MYH13: variants seen among roughly 807,000 people sequenced by gnomAD.
MYH13 encodes myosin heavy chain 13.
A neutral mutation model predicts 232.1 loss-of-function variants in MYH13; 177 were observed. That is an observed-to-expected ratio of 0.76 (90% confidence interval 0.67 to 0.86). MYH13 has a LOEUF of 0.86. MYH13 is among the 40% of genes least tolerant of loss of function. MYH13 has a pLI of 0.00. For synonymous variants in MYH13, 884 were observed against 923.5 expected (o/e 0.96, Z 0.78); for missense variants, 2,246 against 2,405.9 (o/e 0.93, Z 1.39).
intron 27 of MYH13, among the ~76,000 whole-genome samples, chr17:10,318,328 C>A (rs573154292): frequency 6.6e-6 from 1 of 152,210 alleles, no homozygotes. Context: ...AATTTCCAGT[C>A]CAGTGGTGTT....
rs748326808 is a variant in MYH13, at chr17:10,324,006, C to T, written c.2934+16G>A. 6.2e-7 allele frequency: 1 copy of T among 1,613,184 alleles called. No homozygotes were observed. The highest frequency in any genetic ancestry group is 1.1e-5 in the South Asian group (1 of 90,954). ...AGCCTGTTAAGACACTGTGGGAGTC[C>T]CTTGGGTTTGCTCACCTTGTTCTCT... On this transcript the variant is annotated intron_variant, in intron 23 of 40. Coordinates refer to ENST00000252172, the MANE Select transcript of MYH13 (RefSeq NM_003802.3).
intron 5 of MYH13, among the ~76,000 whole-genome samples, chr17:10,361,720 AAGG>A (rs1307443259): frequency 6.6e-6 from 1 of 152,188 alleles, no homozygotes; most frequent in East Asian, 1.9e-4. Context: ...CTGGAAATTA[AAGG>A]AGGTGAAGGG....
rs777878400 is a variant in MYH13, at chr17:10,345,606, G to A, written c.1274C>T (p.Ser425Leu). The change falls in exon 14 of 41, where the codon TCG becomes TTG. Residue 425 changes from serine (S) to leucine (L), a missense_variant. Physicochemically the swap from Ser to Leu is moderately radical, Grantham distance 145. Coordinates refer to ENST00000252172, the MANE Select transcript of MYH13 (RefSeq NM_003802.3). ...KGQNVQQVTN[S>L]VGALAKAVYE... ...GACGGCTTTGGCCAGAGCACCCACCGAATTGGTCACCTTGAAAAAGGATCA... is the reference window on the plus strand; with the variant it reads ...GACGGCTTTGGCCAGAGCACCCACCAAATTGGTCACCTTGAAAAAGGATCA... The A allele has an allele frequency of 2.2e-5, 35 of 1,614,028 alleles. No homozygotes were observed. The highest frequency in any genetic ancestry group is 1.3e-4 in the African/African-American group (10 of 74,898).
At chr17:10,352,729 G>A (rs2071719930) in intron 11 of MYH13, among the ~76,000 whole-genome samples, 1 of 152,190 alleles carries the variant, frequency 6.6e-6, no homozygotes, top group Admixed American at 6.5e-5. Context: ...TTTCTCAGTG[G>A]ATGGGGGCCT....
In MYH13 at chr17:10,300,882, ATT is replaced by A; in HGVS notation, c.*67_*68del. 6.6e-7 allele frequency: 1 copy of A among 1,510,446 alleles called. No individual in the cohort carries two copies. The highest frequency in any genetic ancestry group is 1.1e-5 in the South Asian group (1 of 88,560). The allele number at this position is 1,510,446 out of a possible 1,614,324, so 93.6% of individuals were successfully genotyped here. ...GCCGGGAATCCGAGTATTTAGGAGA[ATT>A]TATTTCTCACACATTTTCCCTCCAC... On this transcript the variant is annotated 3_prime_UTR_variant, in exon 41 of 41. Transcript: ENST00000252172.
chr17:10,342,799 C>A (rs143263457), intron 16 of MYH13, among the ~76,000 whole-genome samples: 1 of 152,202 alleles, frequency 6.6e-6, no homozygotes, highest in East Asian at 1.9e-4. Flanking sequence ...GGATAGAAAT[C>A]TGCTCATGGG....
rs768527318 is a variant in MYH13 at position 10,362,229 on chromosome 17, G to A, written c.394C>T (p.Leu132=). 2 of 1,613,856 alleles carry A rather than the reference G, an allele frequency of 1.2e-6. No individual in the cohort carries two copies. Among genetic ancestry groups the A allele is most frequent in the Non-Finnish European group, 1.7e-6 (2 of 1,179,752 alleles). The change falls in exon 5 of 41, where the codon CTG becomes TTG. Residue 132 remains leucine, a synonymous_variant. Transcript: ENST00000252172. ...FCVTVNPYKW[L]PVYKPEVVAA... is the part of the protein sequence containing the mutation. Reference sequence around the variant, plus strand: ...ACCACCTCGGGCTTGTACACCGGCAGCCACTTGTAGGGGTTGACGGTGACA... The same window carrying A: ...ACCACCTCGGGCTTGTACACCGGCAACCACTTGTAGGGGTTGACGGTGACA...
chr17:10,305,454 C>T (rs938192056), intron 37 of MYH13, among the ~76,000 whole-genome samples: 21 of 152,088 alleles, frequency 1.4e-4, no homozygotes, highest in African/African-American at 5.1e-4. Flanking sequence ...TAGCACCTCC[C>T]TAAAAAAAAT....
chr17:10,346,506 G>A (rs1342064478), intron 13 of MYH13, among the ~76,000 whole-genome samples, 174 bp downstream of exon 13: 2 of 152,242 alleles, frequency 1.3e-5, no homozygotes, highest in East Asian at 3.9e-4. Context: ...GCGTCCAATG[G>A]GCACTTAATG....
chr17:10,362,383 G>A lies in MYH13; in HGVS notation c.325C>T (p.Arg109Cys), dbSNP rs200117357. Reference sequence around the variant, plus strand: ...ACGTAGATCATCCAGGCTGCATAGCGCTCTTTGAGGTTGTACAGAACAGCA... The same window carrying A: ...ACGTAGATCATCCAGGCTGCATAGCACTCTTTGAGGTTGTACAGAACAGCA... ...EPAVLYNLKERYAAWMIYTYS... is the reference protein window; with the variant it reads ...EPAVLYNLKECYAAWMIYTYS... The change falls in exon 4 of 41, where the codon CGC becomes TGC. Residue 109 changes from arginine (R) to cysteine (C), a missense_variant. By Grantham distance (180) the Arg-to-Cys change is radical (BLOSUM62 -3). Coordinates refer to ENST00000252172, the MANE Select transcript of MYH13 (RefSeq NM_003802.3). 1,238 of 1,614,168 alleles carry A rather than the reference G, an allele frequency of 7.7e-4. 20 individuals are homozygous for A. In the South Asian group the frequency reaches 0.012, roughly 16 times the overall value.
At position 10,346,765 on chromosome 17, in the gene MYH13, T is replaced by G. The variant is rs769901698; in HGVS notation, c.1178A>C (p.Asn393Thr). ...ADKAGYLMGLNSAEMLKGLCC... is the reference protein window; with the variant it reads ...ADKAGYLMGLTSAEMLKGLCC... The stretch of plus-strand genomic sequence containing the variant: ...CAGGCCCTTCAGCATTTCTGCAGAA[T>G]TCAGTCCCATCAGGTATCCGGCTTT... The change falls in exon 13 of 41, where the codon AAT becomes ACT. Residue 393 changes from asparagine to threonine, a missense_variant. Transcript: ENST00000252172. The G allele has an allele frequency of 6.2e-7, 1 of 1,613,962 alleles. No homozygotes were observed. The highest frequency in any genetic ancestry group is 8.5e-7 in the Non-Finnish European group (1 of 1,179,860).
chr17:10,319,228 C>T, intron 26 of MYH13, 49 bp from the exon 27 acceptor site: 2 of 1,564,602 alleles, frequency 1.3e-6, no homozygotes, highest in East Asian at 4.5e-5. Context: ...AGGGGGCAGC[C>T]CCCTTTGAGA....
intron 12 of MYH13, among the ~76,000 whole-genome samples, chr17:10,348,364 C>T (rs2071683923): frequency 6.6e-6 from 1 of 152,216 alleles, no homozygotes; most frequent in Non-Finnish European, 1.5e-5. Context: ...AGTCGGACTG[C>T]TCTAGGTTTA....
intron 11 of MYH13, among the ~76,000 whole-genome samples, chr17:10,353,492 G>C (rs546596343): frequency 1.3e-5 from 2 of 152,206 alleles, no homozygotes; most frequent in East Asian, 3.9e-4. Context: ...AGCCAACAAG[G>C]GTGGAGATGA....
intron 16 of MYH13, among the ~76,000 whole-genome samples, 177 bp from the exon 17 acceptor site, chr17:10,340,578 G>T (rs962928542): frequency 6.6e-6 from 1 of 152,098 alleles, no homozygotes; most frequent in Non-Finnish European, 1.5e-5. Context: ...GAGTGCAATG[G>T]CACCATCTCA....
At chr17:10,316,801 T>C (rs542255346) in intron 27 of MYH13, among the ~76,000 whole-genome samples, 1 of 152,054 alleles carries the variant, frequency 6.6e-6, no homozygotes, top group South Asian at 2.1e-4. Context: ...AAAACCCTTG[T>C]GTGTGTTGAC....
chr17:10,323,787 AAAGAAGAAGAAG>A (rs571033999), intron 23 of MYH13, among the ~76,000 whole-genome samples: 4,088 of 66,258 alleles, frequency 0.062, 222 homozygotes, highest in East Asian at 0.17. Flanking sequence ...AAAAAAAAAA[AAAGAAGAAGAAG>A]AAGAAGAAGA....
rs766411881 is a variant in MYH13, at chr17:10,327,878, C to A, written c.2679G>T (p.Leu893Phe). The A allele has an allele frequency of 6.2e-7, 1 of 1,612,816 alleles. No homozygotes were observed. The highest frequency in any genetic ancestry group is 8.5e-7 in the Non-Finnish European group (1 of 1,179,626). Residue 893 changes from leucine to phenylalanine, a missense_variant, in exon 22 of 41, where the codon TTG becomes TTT. Coordinates refer to ENST00000252172, the MANE Select transcript of MYH13 (RefSeq NM_003802.3). ...SLLQEKNDLQ[L>F]QVQSETENLM... is the part of the protein sequence containing the mutation. ...AGAAGGTACTTACAGACTGGACCTG[C>A]AATTGGAGGTCATTCTTCTCCTGCA... is the stretch of plus-strand genomic sequence containing the variant.
At chr17:10,360,949 G>GGA (rs2142273780) in intron 5 of MYH13, among the ~76,000 whole-genome samples, 1 of 152,216 alleles carries the variant, frequency 6.6e-6, no homozygotes, top group East Asian at 1.9e-4. Context: ...ATAGAAGCTA[G>GGA]GAGAGAGAGA....
Sources: gnomAD v4.1 joint callset for allele counts (sites outside exome capture counted in the v4.1 genomes callset) on GRCh38, gnomAD v4.1.1 for gene constraint, MANE v1.5 for transcripts, NCBI Gene and HGNC (gene_info 2026-07-23, HGNC 2026-07-21) for gene names.